The following SOX6 variants were observed in gnomAD, a reference collection of about 807,000 sequenced individuals.
SOX6 encodes transcription factor SOX-6.
A neutral mutation model predicts 97.8 loss-of-function variants in SOX6; 11 were observed. The observed-to-expected ratio is 0.11, with a 90% CI of 0.07 to 0.19. SOX6 has a LOEUF of 0.19. SOX6 is among the 10% of genes least tolerant of loss of function. The probability of loss-of-function intolerance (pLI) is 1.00; values close to 1 mark genes in which losing one functional copy is unlikely to be tolerated. For missense variants in SOX6, 810 were observed against 1,039.5 expected (o/e 0.78, Z 3.04); for synonymous variants, 360 against 371.4 (o/e 0.97, Z 0.35).
chr11:16,210,743 G>A lies in SOX6; in HGVS notation c.536-23788C>T, dbSNP rs543175695. Among the ~76,000 whole-genome samples, 12 of 152,186 alleles carry A rather than the reference G, an allele frequency of 7.9e-5. No homozygotes were observed. The East Asian group carries it at 1.9e-3, about 25-fold the overall frequency. On this transcript the variant is annotated intron_variant, in intron 4 of 15. Coordinates refer to ENST00000683767, the MANE Select transcript of SOX6 (RefSeq NM_001367873.1). ...TCGCACTCACTACATTTAACCAATCGTTCAATAAATATAATTTACCTGGGT... is the reference window on the plus strand; with the variant it reads ...TCGCACTCACTACATTTAACCAATCATTCAATAAATATAATTTACCTGGGT...
chr11:16,247,934 G>A (rs902781703), intron 3 of SOX6, among the ~76,000 whole-genome samples: 1 of 152,114 alleles, frequency 6.6e-6, no homozygotes, highest in African/African-American at 2.4e-5. Context: ...CTGCCTATGA[G>A]CCTGTAAAAT....
chr11:16,305,229 T>A (rs985049609), intron 3 of SOX6, among the ~76,000 whole-genome samples: 1 of 151,908 alleles, frequency 6.6e-6, no homozygotes, highest in Admixed American at 6.6e-5. Context: ...AATAAAACAA[T>A]CCAATTAGAA....
At chr11:16,252,044 A>G (rs1853529737) in intron 3 of SOX6, among the ~76,000 whole-genome samples, 1 of 152,146 alleles carries the variant, frequency 6.6e-6, no homozygotes, top group African/African-American at 2.4e-5. Context: ...TTCAGAAAAC[A>G]TCATTATTAA....
At position 16,300,285 on chromosome 11, in the gene SOX6, A is replaced by G. The variant is rs1254389057; in HGVS notation, c.445+18161T>C. The stretch of plus-strand genomic sequence containing the variant: ...AAAAAAAGGACTTATACAAATGGAG[A>G]AAGTCCACAATATTAGACATTTTTA... On this transcript the variant is annotated intron_variant, in intron 3 of 15. Coordinates refer to ENST00000683767, the MANE Select transcript of SOX6 (RefSeq NM_001367873.1). This position sits in a 1 kb window ranked among gnomAD's most constrained non-coding sequence, Gnocchi z 4.1. Among the ~76,000 whole-genome samples the G allele has an allele frequency of 2.0e-5, 3 of 152,190 alleles. No individual in the cohort carries two copies. The highest frequency in any genetic ancestry group is 4.4e-5 in the Non-Finnish European group (3 of 68,026).
upstream of SOX6, among the ~76,000 whole-genome samples, chr11:16,359,245 T>G (rs581210): frequency 6.6e-6 from 1 of 151,944 alleles, no homozygotes; most frequent in East Asian, 1.9e-4. Context: ...GGGCTGAGAC[T>G]TATAAAAGAA....
intron 2 of SOX6, among the ~76,000 whole-genome samples, chr11:16,326,821 C>T (rs532729987): frequency 8.5e-5 from 13 of 152,268 alleles, no homozygotes; most frequent in Non-Finnish European, 1.6e-4. Context: ...TCTAAAGTCT[C>T]CCATGAGGTT....
intron 4 of SOX6, among the ~76,000 whole-genome samples, chr11:16,197,931 A>C (rs1460647312): frequency 1.3e-5 from 2 of 152,220 alleles, no homozygotes; most frequent in African/African-American, 4.8e-5. Context: ...ACATTTGTTC[A>C]ACCTATAAAA....
intron 3 of SOX6, among the ~76,000 whole-genome samples, chr11:16,663,717 G>T (rs1043731479): frequency 4.6e-5 from 7 of 152,172 alleles, no homozygotes; most frequent in Admixed American, 1.3e-4. Context: ...TAAAGGATTT[G>T]TATATATTAG....
At chr11:16,175,837 T>C (rs1192701346) in intron 6 of SOX6, among the ~76,000 whole-genome samples, 3 of 151,918 alleles carry the variant, frequency 2.0e-5, no homozygotes, top group Non-Finnish European at 2.9e-5. Flanking sequence ...ACAGACCTTC[T>C]GATGTCTATA....
chr11:16,296,734 G>A (rs1302122936), intron 3 of SOX6, among the ~76,000 whole-genome samples: 3 of 152,060 alleles, frequency 2.0e-5, no homozygotes, highest in Non-Finnish European at 4.4e-5. Context: ...GTTTGAAAAT[G>A]GTAGGAAATG....
chr11:16,305,026 C>T (rs907047358), intron 3 of SOX6, among the ~76,000 whole-genome samples: 4 of 151,776 alleles, frequency 2.6e-5, no homozygotes, highest in Admixed American at 2.0e-4. Context: ...TATTCTTAGA[C>T]TTGATGCCCA....
At chr11:16,282,531 T>G (rs1007433765) in intron 3 of SOX6, among the ~76,000 whole-genome samples, 6 of 151,658 alleles carry the variant, frequency 4.0e-5, no homozygotes, top group Non-Finnish European at 8.9e-5. Flanking sequence ...CTATAACTGT[T>G]TCTTGATACC....
intron 9 of SOX6, among the ~76,000 whole-genome samples, chr11:16,075,344 A>T (rs2133947523): frequency 6.6e-6 from 1 of 152,302 alleles, no homozygotes; most frequent in African/African-American, 2.4e-5. Context: ...TGGCAGGCAA[A>T]AGAGTGTGCG....
At chr11:16,566,639 C>T (rs937622823) in intron 4 of SOX6, among the ~76,000 whole-genome samples, 1 of 152,254 alleles carries the variant, frequency 6.6e-6, no homozygotes, top group African/African-American at 2.4e-5. Flanking sequence ...TAGTATCTGA[C>T]ATACCCGCTA....
chr11:16,171,549 T>A (rs1354995447), intron 6 of SOX6, among the ~76,000 whole-genome samples: 2 of 152,022 alleles, frequency 1.3e-5, no homozygotes, highest in African/African-American at 4.8e-5. Flanking sequence ...TATCTTTTTT[T>A]AAATTTTAAA....
chr11:16,277,199 G>C (rs1268186408), intron 3 of SOX6, among the ~76,000 whole-genome samples: 1 of 152,112 alleles, frequency 6.6e-6, no homozygotes, highest in Non-Finnish European at 1.5e-5. Context: ...ATCTGGAGAC[G>C]TGGTCTTTGG....
At chr11:16,455,814 TTAAC>T (rs1479038469) in intron 1 of SOX6, among the ~76,000 whole-genome samples, 4 of 152,172 alleles carry the variant, frequency 2.6e-5, no homozygotes, top group Admixed American at 6.6e-5. Flanking sequence ...CTGAATATAC[TTAAC>T]TATTATATGT....
At chr11:16,385,777 T>C (rs748561652) in intron 1 of SOX6, among the ~76,000 whole-genome samples, 1 of 152,182 alleles carries the variant, frequency 6.6e-6, no homozygotes. Flanking sequence ...ATTAATGCTG[T>C]GGAAATCCCA....
At chr11:16,338,759 A>C (rs1856541114) in intron 2 of SOX6, among the ~76,000 whole-genome samples, 2 of 152,046 alleles carry the variant, frequency 1.3e-5, no homozygotes, top group South Asian at 4.1e-4. Context: ...ATTAATATTT[A>C]ACTTATTTGT....
Sources: allele counts gnomAD v4.1 joint callset (sites outside exome capture counted in the v4.1 genomes callset), GRCh38; gene constraint gnomAD v4.1.1; non-coding constraint Gnocchi (gnomAD v3.1); transcripts MANE v1.5; gene names NCBI Gene and HGNC (gene_info 2026-07-23, HGNC 2026-07-21).